Variants in CCDC60 observed in about 807,000 individuals in gnomAD.
The protein encoded by CCDC60 is coiled-coil domain-containing protein 60.
A neutral mutation model predicts 63.5 loss-of-function variants in CCDC60; 54 were observed. The ratio of observed to expected loss-of-function variants is 0.85; its 90% CI spans 0.68 to 1.07. The LOEUF is 1.07. CCDC60 is among the 50% of genes least tolerant of loss of function. The pLI is 0.00. For missense variants in CCDC60, 651 were observed against 684.3 expected (o/e 0.95, Z 0.54); for synonymous variants, 206 against 238.8 (o/e 0.86, Z 1.27).
At chr12:119,399,606 A>C (rs971289470) in intron 1 of CCDC60, among the ~76,000 whole-genome samples, 1 of 152,170 alleles carries the variant, frequency 6.6e-6, no homozygotes, top group African/African-American at 2.4e-5. Context: ...GGAATCTGGA[A>C]CTTGCAGAGC....
intron 1 of CCDC60, among the ~76,000 whole-genome samples, chr12:119,383,354 A>C (rs1283305578): frequency 6.6e-6 from 1 of 152,244 alleles, no homozygotes; most frequent in African/African-American, 2.4e-5. Context: ...TATTTCAGAG[A>C]CAGGAAGCTA....
intron 4 of CCDC60, among the ~76,000 whole-genome samples, chr12:119,481,307 C>T (rs1387351091): frequency 6.6e-6 from 1 of 152,172 alleles, no homozygotes; most frequent in Non-Finnish European, 1.5e-5. Context: ...CTTCAGTACA[C>T]TTGCACTTCT....
intron 1 of CCDC60, among the ~76,000 whole-genome samples, chr12:119,341,870 A>G (rs534596953): frequency 1.3e-5 from 2 of 152,320 alleles, no homozygotes; most frequent in South Asian, 2.1e-4. Flanking sequence ...TTAGTTGTAG[A>G]GAAGGGGGTG....
intron 8 of CCDC60, among the ~76,000 whole-genome samples, chr12:119,518,247 C>T (rs1317875164): frequency 6.6e-6 from 1 of 152,136 alleles, no homozygotes; most frequent in African/African-American, 2.4e-5. Context: ...AGCATCAGCT[C>T]AATGAGGCTC....
At chr12:119,436,270 A>G (rs898159691) in intron 2 of CCDC60, among the ~76,000 whole-genome samples, 1 of 152,134 alleles carries the variant, frequency 6.6e-6, no homozygotes, top group Non-Finnish European at 1.5e-5. Flanking sequence ...TCATTAGATA[A>G]TCTGTACAAA....
At chr12:119,395,663 T>C (rs1286970546) in intron 1 of CCDC60, among the ~76,000 whole-genome samples, 2 of 152,204 alleles carry the variant, frequency 1.3e-5, no homozygotes, top group Non-Finnish European at 2.9e-5. Context: ...TTTCACTCTA[T>C]AGAAAGATGG....
At chr12:119,418,110 C>T (rs972438077) in intron 1 of CCDC60, among the ~76,000 whole-genome samples, 11 of 129,484 alleles carry the variant, frequency 8.5e-5, no homozygotes, top group African/African-American at 3.5e-4. Context: ...ATCTTTTTGT[C>T]ATGTTTTTAA....
intron 6 of CCDC60, among the ~76,000 whole-genome samples, chr12:119,501,668 A>C (rs1217741514): frequency 6.6e-6 from 1 of 152,198 alleles, no homozygotes; most frequent in Non-Finnish European, 1.5e-5. Context: ...TACAGTGTGC[A>C]TCCGTCTTCA....
intron 1 of CCDC60, among the ~76,000 whole-genome samples, chr12:119,377,003 C>T (rs1411248017): frequency 6.6e-6 from 1 of 151,958 alleles, no homozygotes; most frequent in Non-Finnish European, 1.5e-5. Flanking sequence ...ACCTGTAAAC[C>T]CAGCACTTTG....
intron 2 of CCDC60, among the ~76,000 whole-genome samples, chr12:119,446,226 A>T (rs1023186631): frequency 6.6e-5 from 10 of 152,362 alleles, no homozygotes; most frequent in African/African-American, 2.4e-4. Context: ...ACTAGTTAAA[A>T]CAGGAATCTG....
chr12:119,407,203 A>G (rs1373746989), intron 1 of CCDC60, among the ~76,000 whole-genome samples: 1 of 152,124 alleles, frequency 6.6e-6, no homozygotes. Flanking sequence ...TAGGAAAATT[A>G]AAATTATAAG....
At chr12:119,391,225 C>T (rs1295877060) in intron 1 of CCDC60, among the ~76,000 whole-genome samples, 1 of 152,230 alleles carries the variant, frequency 6.6e-6, no homozygotes, top group Non-Finnish European at 1.5e-5. Flanking sequence ...TGTCACCATT[C>T]ATGCCAGTGT....
intron 1 of CCDC60, among the ~76,000 whole-genome samples, chr12:119,404,706 C>A (rs1956454744): frequency 6.6e-6 from 1 of 152,174 alleles, no homozygotes. Flanking sequence ...AGAGGTTAGG[C>A]AGATAGGGCA....
Position 119,522,938 on chromosome 12 carries a change from G to A in CCDC60, c.1041-1G>A. ...CTTGAAACCATCCTTTTGTGTTTCA[G>A]TGAGAGATCCAGCAGTACAAGTGCA... On this transcript the variant is annotated splice_acceptor_variant, in intron 9 of 13. Transcript: ENST00000327554. LOFTEE classifies it high-confidence loss of function. 1 of 1,614,124 alleles carries A rather than the reference G, an allele frequency of 6.2e-7. No individual in the cohort carries two copies. The highest frequency in any genetic ancestry group is 8.5e-7 in the Non-Finnish European group (1 of 1,179,990).
intron 1 of CCDC60, among the ~76,000 whole-genome samples, chr12:119,404,067 C>T (rs1378183460): frequency 1.3e-5 from 2 of 152,132 alleles, no homozygotes; most frequent in African/African-American, 2.4e-5. Flanking sequence ...GTGGGCAGAT[C>T]ACTTGAGGTC....
chr12:119,492,288 C>T (rs1444883852), intron 5 of CCDC60, among the ~76,000 whole-genome samples: 1 of 151,988 alleles, frequency 6.6e-6, no homozygotes, highest in African/African-American at 2.4e-5. Context: ...TGCCAATTTC[C>T]ACGGTGTAAA....
chr12:119,437,224 TAAG>T (rs1397815665), intron 2 of CCDC60, among the ~76,000 whole-genome samples: 2 of 152,192 alleles, frequency 1.3e-5, no homozygotes, highest in East Asian at 1.9e-4. Context: ...TTTTTTGAAA[TAAG>T]AAGGGAAAAA....
intron 1 of CCDC60, among the ~76,000 whole-genome samples, chr12:119,355,649 T>C (rs1333200681): frequency 6.6e-6 from 1 of 152,210 alleles, no homozygotes; most frequent in Non-Finnish European, 1.5e-5. Context: ...GAAGTGGCAG[T>C]GTACAGCAGC....
At chr12:119,431,758 AACCTCC>A (rs1457453888) in intron 2 of CCDC60, among the ~76,000 whole-genome samples, 9 of 152,168 alleles carry the variant, frequency 5.9e-5, no homozygotes, top group Admixed American at 2.0e-4. Flanking sequence ...AGCTCACTGC[AACCTCC>A]GCCTCCCGGG....
Sources: gnomAD v4.1 joint callset for allele counts (sites outside exome capture counted in the v4.1 genomes callset) on GRCh38, gnomAD v4.1.1 for gene constraint, MANE v1.5 for transcripts, NCBI Gene and HGNC (gene_info 2026-07-23, HGNC 2026-07-21) for gene names.